The following ZHX3 variants were observed in gnomAD, a reference collection of about 807,000 sequenced individuals.
ZHX3 encodes zinc fingers and homeoboxes 3, also known as zinc fingers and homeoboxes protein 3.
ZHX3 carries 20 observed loss-of-function variants against 64.5 expected under a neutral mutation model. The ratio of observed to expected loss-of-function variants is 0.31; its 90% CI spans 0.22 to 0.45. The LOEUF is 0.45. Ranked by LOEUF, ZHX3 falls within the 20% of genes least tolerant of loss-of-function variation. The pLI is 1.00. For synonymous variants in ZHX3, 423 were observed against 461.6 expected (o/e 0.92, Z 1.07); for missense variants, 1,041 against 1,195.8 (o/e 0.87, Z 1.91).
In ZHX3 at chr20:41,228,324, C is replaced by CA. The variant is rs920565611; in HGVS notation, c.-150-23259dup. Among the ~76,000 whole-genome samples the CA allele has an allele frequency of 7.9e-5, 12 of 152,086 alleles. No homozygotes were observed. Among genetic ancestry groups the CA allele is most frequent in the Non-Finnish European group, 1.3e-4 (9 of 68,014 alleles). ...CCGTTGACCCTGGCACTCACCCTTC[C>CA]AAAAAACGAAACAAGCAAATAAAAA... On this transcript the variant is annotated intron_variant, in intron 2 of 3. Transcript: ENST00000683867. This position sits in a 1 kb window ranked among gnomAD's most constrained non-coding sequence, Gnocchi z 4.6.
intron 1 of ZHX3, among the ~76,000 whole-genome samples, chr20:41,291,690 A>G (rs2044250485): frequency 1.3e-5 from 2 of 152,134 alleles, no homozygotes; most frequent in Non-Finnish European, 2.9e-5. Flanking sequence ...ACACACAGAT[A>G]TAAGTTTATA....
chr20:41,223,084 T>G (rs893603363), intron 2 of ZHX3, among the ~76,000 whole-genome samples: 1 of 152,180 alleles, frequency 6.6e-6, no homozygotes, highest in African/African-American at 2.4e-5. Context: ...TCACTCACAG[T>G]AAGAGAAATA....
rs1451187696 is a variant in ZHX3, at chr20:41,215,769, C to CT, written c.-150-10704dup. ...CTAACACGGTGAAACCACGTCTCTA[C>CT]TAAAAAAAAAAAAAAAAAAAAAATA... On this transcript the variant is annotated intron_variant, in intron 2 of 3. Transcript: ENST00000683867. Among the ~76,000 whole-genome samples, 26 of 78,278 alleles carry CT rather than the reference C, an allele frequency of 3.3e-4. No homozygotes were observed. In the East Asian group the frequency reaches 0.012, roughly 36 times the overall value. 51.4% of individuals were successfully genotyped at this position (78,278 alleles called of 152,430 possible).
intron 2 of ZHX3, among the ~76,000 whole-genome samples, chr20:41,245,886 C>A (rs774444744): frequency 6.6e-6 from 1 of 152,196 alleles, no homozygotes; most frequent in Non-Finnish European, 1.5e-5. Context: ...TGAGAAGCAG[C>A]AAGCAAGGAA....
intron 1 of ZHX3, among the ~76,000 whole-genome samples, chr20:41,287,743 G>A (rs1027938529): frequency 6.6e-6 from 1 of 152,170 alleles, no homozygotes; most frequent in Non-Finnish European, 1.5e-5. Context: ...AGATGAGACT[G>A]CAACTCCAAC....
At chr20:41,235,707 G>A (rs1053608414) in intron 2 of ZHX3, among the ~76,000 whole-genome samples, 385 of 152,282 alleles carry the variant, frequency 2.5e-3, no homozygotes, top group African/African-American at 8.4e-3. Flanking sequence ...TTGAAAACTG[G>A]CACAAGACAG....
intron 1 of ZHX3, among the ~76,000 whole-genome samples, chr20:41,301,584 A>C (rs1002218177): frequency 9.9e-5 from 15 of 152,006 alleles, no homozygotes; most frequent in Non-Finnish European, 1.2e-4. Flanking sequence ...TAGGCCCCCA[A>C]GCCCTTCCCA....
At chr20:41,287,840 A>C (rs753883333) in intron 1 of ZHX3, among the ~76,000 whole-genome samples, 5 of 152,214 alleles carry the variant, frequency 3.3e-5, no homozygotes, top group Non-Finnish European at 7.3e-5. Context: ...TTTCTGTTAC[A>C]TAACAGGTAT....
At position 41,190,922 on chromosome 20, in the gene ZHX3, C is replaced by T. The variant is rs61254402; in HGVS notation, c.2861-5721G>A. Among the ~76,000 whole-genome samples, 602 of 152,296 alleles carry T rather than the reference C, an allele frequency of 4.0e-3. 8 individuals carry two copies. Among genetic ancestry groups the T allele is most frequent in the East Asian group, 0.022 (115 of 5,186 alleles). On this transcript the variant is annotated intron_variant, in intron 3 of 3. Transcript: ENST00000683867. Reference sequence around the variant, plus strand: ...ATCCACTGTTAGTCTGATGGGGCTTCCTTTATAGTTGCTTACACACATTTC... The same window carrying T: ...ATCCACTGTTAGTCTGATGGGGCTTTCTTTATAGTTGCTTACACACATTTC...
chr20:41,233,115 T>G (rs148707664), intron 2 of ZHX3, among the ~76,000 whole-genome samples: 1 of 152,240 alleles, frequency 6.6e-6, no homozygotes, highest in African/African-American at 2.4e-5. Context: ...CAATCACCTT[T>G]TGAATGCTGA....
Position 41,317,554 on chromosome 20 carries a change from C to T in ZHX3, c.-290G>A, listed in dbSNP as rs1309574234. On this transcript the variant is annotated 5_prime_UTR_variant, in exon 1 of 4. Transcript: ENST00000683867. ...GGCGCCCGCGACCGGGCCGCTCTTC[C>T]CGCGCTGCGGGCCTCCCTCCCCGCG... 1 of 147,332 alleles carries T rather than the reference C, an allele frequency of 6.8e-6. No individual in the cohort carries two copies. The highest frequency in any genetic ancestry group is 1.9e-4 in the East Asian group (1 of 5,130). 9.1% of individuals were successfully genotyped at this position (147,332 alleles called of 1,614,324 possible). A position where few individuals can be genotyped will look rare whatever the true frequency, so the allele number is the denominator to read the frequency against.
intron 2 of ZHX3, among the ~76,000 whole-genome samples, chr20:41,264,133 G>C (rs1165011821): frequency 1.3e-5 from 2 of 151,908 alleles, no homozygotes; most frequent in African/African-American, 4.8e-5. Flanking sequence ...ACTAGGCCAG[G>C]CGCGGTGGCT....
chr20:41,204,626 G>C lies in ZHX3; in HGVS notation c.291C>G (p.Asn97Lys), dbSNP rs775834210. ...HDMTQFVGHM[N>K]SEHTDFNKDP... ...CTTTATTAAAGTCTGTGTGCTCTGA[G>C]TTCATATGTCCCACAAATTGGGTCA... is the stretch of plus-strand genomic sequence containing the variant. The change falls in exon 3 of 4, where the codon AAC (asparagine) becomes AAG (lysine). Residue 97 changes from asparagine (N) to lysine (K), a missense_variant. Physicochemically the swap from Asn to Lys is moderately conservative, Grantham distance 94 (BLOSUM62 0). This residue lies in a region of ZHX3 where 358 missense variants were observed against 369.1 expected (regional missense o/e 0.97). Coordinates refer to ENST00000683867, the MANE Select transcript of ZHX3 (RefSeq NM_001384317.1). The surrounding 1 kb of genome is among the most constrained non-coding windows in gnomAD (Gnocchi z 6.6). 7 of 1,614,110 alleles carry C rather than the reference G, an allele frequency of 4.3e-6. No individual in the cohort carries two copies. The highest frequency in any genetic ancestry group is 5.9e-6 in the Non-Finnish European group (7 of 1,180,048).
chr20:41,284,606 A>T (rs2043845165), intron 1 of ZHX3, among the ~76,000 whole-genome samples: 3 of 152,188 alleles, frequency 2.0e-5, no homozygotes. Flanking sequence ...TCAAAGGACT[A>T]GCCTTTCTCA....
chr20:41,196,148 C>G (rs933599359), intron 3 of ZHX3, among the ~76,000 whole-genome samples: 6 of 149,622 alleles, frequency 4.0e-5, no homozygotes, highest in African/African-American at 1.5e-4. Flanking sequence ...GATTGATCTT[C>G]TGTCTGGTTT....
At chr20:41,216,391 T>C (rs2039535362) in intron 2 of ZHX3, among the ~76,000 whole-genome samples, 1 of 152,188 alleles carries the variant, frequency 6.6e-6, no homozygotes, top group Admixed American at 6.5e-5. Context: ...TTGTTAACAG[T>C]GCAGTATATA....
At chr20:41,190,265 C>A (rs1244866603) in intron 3 of ZHX3, among the ~76,000 whole-genome samples, 1 of 152,194 alleles carries the variant, frequency 6.6e-6, no homozygotes, top group Non-Finnish European at 1.5e-5. Context: ...ACCTCTGCTT[C>A]CTGGGTTCAA....
intron 1 of ZHX3, among the ~76,000 whole-genome samples, chr20:41,277,125 T>C (rs1409993223): frequency 6.6e-6 from 1 of 152,186 alleles, no homozygotes; most frequent in African/African-American, 2.4e-5. Context: ...GGCAAAAATG[T>C]TCTGTATACT....
chr20:41,280,057 C>A (rs567384196), intron 1 of ZHX3, among the ~76,000 whole-genome samples: 3 of 152,272 alleles, frequency 2.0e-5, no homozygotes, highest in African/African-American at 7.2e-5. Context: ...GGCGCTGGGA[C>A]TACAGAATGA....
Sources: allele counts gnomAD v4.1 joint callset (sites outside exome capture counted in the v4.1 genomes callset), GRCh38; gene constraint gnomAD v4.1.1; regional missense constraint gnomAD v4.1.1; non-coding constraint Gnocchi (gnomAD v3.1); transcripts MANE v1.5; gene names NCBI Gene and HGNC (gene_info 2026-07-23, HGNC 2026-07-21).